Variants in FER observed in about 807,000 individuals in gnomAD.
The protein encoded by FER is tyrosine-protein kinase Fer.
FER carries 63 observed loss-of-function variants against 111.0 expected under a neutral mutation model. That is an observed-to-expected ratio of 0.57 (90% CI 0.46 to 0.70). The LOEUF (loss-of-function observed/expected upper bound fraction) is 0.70. FER is among the 30% of genes least tolerant of loss of function. The pLI is 0.00. For synonymous variants in FER, 327 were observed against 313.9 expected (o/e 1.04, Z -0.44); for missense variants, 914 against 954.0 (o/e 0.96, Z 0.55).
At chr5:108,826,016 G>C (rs1759428596) in intron 3 of FER, among the ~76,000 whole-genome samples, 2 of 152,134 alleles carry the variant, frequency 1.3e-5, no homozygotes, top group South Asian at 4.1e-4. Flanking sequence ...TCCGATTTTA[G>C]AGGAAAAGCT....
intron 8 of FER, among the ~76,000 whole-genome samples, chr5:108,874,953 G>A (rs1764939656): frequency 1.3e-5 from 2 of 152,050 alleles, no homozygotes; most frequent in African/African-American, 2.4e-5. Flanking sequence ...GTAAGTTGGT[G>A]TATAATTTGG....
At chr5:109,089,720 T>G (rs78527297) in intron 16 of FER, among the ~76,000 whole-genome samples, 1,603 of 152,316 alleles carry the variant, frequency 0.011, 22 homozygotes, top group African/African-American at 0.037. Context: ...CATAGCTTAG[T>G]GCCAGGAGCA....
intron 17 of FER, among the ~76,000 whole-genome samples, chr5:109,155,691 CAG>C (rs1561966900): frequency 6.6e-6 from 1 of 151,984 alleles, no homozygotes; most frequent in Non-Finnish European, 1.5e-5. Flanking sequence ...ACCTTTATAC[CAG>C]AGAGCTTGAT....
intron 13 of FER, among the ~76,000 whole-genome samples, chr5:109,001,955 G>T (rs1268836504): frequency 2.6e-5 from 4 of 152,106 alleles, no homozygotes; most frequent in Non-Finnish European, 5.9e-5. Flanking sequence ...ACAAACCACT[G>T]CTCAATGAAA....
At chr5:109,026,809 G>C (rs1768806777) in intron 13 of FER, among the ~76,000 whole-genome samples, 2 of 152,108 alleles carry the variant, frequency 1.3e-5, no homozygotes, top group South Asian at 4.1e-4. Flanking sequence ...CTCCCGAGTA[G>C]CTGGGATTAC....
At chr5:109,161,048 A>C (rs1458229915) in intron 17 of FER, among the ~76,000 whole-genome samples, 1 of 152,114 alleles carries the variant, frequency 6.6e-6, no homozygotes, top group African/African-American at 2.4e-5. Context: ...GTCATACATA[A>C]ACACTAAATG....
chr5:109,100,984 C>T (rs1176295021), intron 17 of FER, among the ~76,000 whole-genome samples: 1 of 151,692 alleles, frequency 6.6e-6, no homozygotes, highest in African/African-American at 2.4e-5. Context: ...CTCTTTTGGA[C>T]AAATTAATTT....
At chr5:108,931,791 T>C (rs2149585147) in intron 10 of FER, among the ~76,000 whole-genome samples, 1 of 151,826 alleles carries the variant, frequency 6.6e-6, no homozygotes, top group Admixed American at 6.6e-5. Context: ...GAATGCACCA[T>C]TGCACTCCAC....
At chr5:109,072,376 C>T (rs1775868368) in intron 16 of FER, among the ~76,000 whole-genome samples, 1 of 146,218 alleles carries the variant, frequency 6.8e-6, no homozygotes, top group Non-Finnish European at 1.5e-5. Flanking sequence ...ATGATAAAAA[C>T]TTTTAATGGC....
chr5:109,080,840 A>G (rs1344418076), intron 16 of FER, among the ~76,000 whole-genome samples: 5 of 152,124 alleles, frequency 3.3e-5, no homozygotes, highest in Non-Finnish European at 7.4e-5. Flanking sequence ...ATGGAGAAGG[A>G]TTGCACAGGA....
chr5:109,013,606 G>C (rs1488624394), intron 13 of FER, among the ~76,000 whole-genome samples: 1 of 150,522 alleles, frequency 6.6e-6, no homozygotes, highest in African/African-American at 2.4e-5. Flanking sequence ...GTAATGGGAT[G>C]GCTGGGTCAA....
At chr5:109,074,085 A>G (rs1271889189) in intron 16 of FER, among the ~76,000 whole-genome samples, 5 of 152,206 alleles carry the variant, frequency 3.3e-5, no homozygotes, top group African/African-American at 1.2e-4. Context: ...TGAAGGAAAA[A>G]TAAAAAGCTG....
chr5:109,120,380 C>G (rs1366984928), intron 17 of FER, among the ~76,000 whole-genome samples: 1 of 151,732 alleles, frequency 6.6e-6, no homozygotes, highest in Non-Finnish European at 1.5e-5. Context: ...CTAATGTATG[C>G]TCTCTCTGTC....
intron 17 of FER, among the ~76,000 whole-genome samples, chr5:109,115,793 A>G (rs1175172616): frequency 6.6e-6 from 1 of 152,042 alleles, no homozygotes; most frequent in Non-Finnish European, 1.5e-5. Context: ...CTTTCTGTTT[A>G]TAATTCAAAA....
At chr5:109,035,811 A>C (rs114386170) in intron 13 of FER, among the ~76,000 whole-genome samples, 2,587 of 152,200 alleles carry the variant, frequency 0.017, 41 homozygotes, top group Middle Eastern at 0.034. Context: ...CACCCTCACA[A>C]TCTCTTGATT....
chr5:109,189,466 G>C lies in FER; in HGVS notation c.*1891G>C, dbSNP rs753180228. ...GAAAGATAATACTGAAGAGAAAAGT[G>C]ACTTGTATCTAACATTTCAATCTCC... On this transcript the variant is annotated 3_prime_UTR_variant, in exon 20 of 20. Coordinates refer to ENST00000281092, the MANE Select transcript of FER (RefSeq NM_005246.4). 4 of 152,124 alleles carry C rather than the reference G, an allele frequency of 2.6e-5. No homozygotes were observed. The highest frequency in any genetic ancestry group is 5.9e-5 in the Non-Finnish European group (4 of 68,018). The allele number at this position is 152,124 out of a possible 1,614,324, so 9.4% of individuals were successfully genotyped here.
intron 16 of FER, among the ~76,000 whole-genome samples, chr5:109,059,614 C>A (rs1774122306): frequency 6.6e-6 from 1 of 152,128 alleles, no homozygotes; most frequent in South Asian, 2.1e-4. Flanking sequence ...CTTATTTCAA[C>A]ATGTAATGAC....
intron 16 of FER, among the ~76,000 whole-genome samples, chr5:109,072,866 T>G (rs1241715357): frequency 2.0e-5 from 3 of 152,090 alleles, no homozygotes; most frequent in Non-Finnish European, 2.9e-5. Flanking sequence ...TATTCCTGCT[T>G]CTTCCTAGCT....
intron 13 of FER, among the ~76,000 whole-genome samples, chr5:108,963,642 A>G (rs1016938864): frequency 6.6e-6 from 1 of 152,202 alleles, no homozygotes; most frequent in African/African-American, 2.4e-5. Context: ...CAACCAGCTT[A>G]AATTAAGTAA....
Sources: allele counts gnomAD v4.1 joint callset (sites outside exome capture counted in the v4.1 genomes callset), GRCh38; gene constraint gnomAD v4.1.1; transcripts MANE v1.5; gene names NCBI Gene and HGNC (gene_info 2026-07-23, HGNC 2026-07-21).